The following ARHGAP32 variants were observed in gnomAD, a reference collection of about 807,000 sequenced individuals.
ARHGAP32 encodes the protein Rho GTPase activating protein 32.
ARHGAP32 carries 51 observed loss-of-function variants against 186.5 expected under a neutral mutation model. That is an observed-to-expected ratio of 0.27 (90% confidence interval 0.22 to 0.35). The LOEUF is 0.35. Among genes scored for constraint, ARHGAP32 ranks in the 10% least tolerant of loss-of-function variants. ARHGAP32 has a pLI of 1.00. For synonymous variants in ARHGAP32, 950 were observed against 964.3 expected, an observed-to-expected ratio of 0.99 and a Z score of 0.27; for missense variants, 2,186 against 2,623.5, an observed-to-expected ratio of 0.83 and a Z score of 3.64.
At chr11:129,198,065 A>ATTATTC (rs1243018858) in intron 1 of ARHGAP32, among the ~76,000 whole-genome samples, 2 of 152,256 alleles carry the variant, frequency 1.3e-5, no homozygotes, top group Non-Finnish European at 2.9e-5. Context: ...CTACTTGAAT[A>ATTATTC]GAAAACTGAC....
chr11:129,018,511 C>T (rs1938456627), intron 11 of ARHGAP32, among the ~76,000 whole-genome samples: 1 of 152,160 alleles, frequency 6.6e-6, no homozygotes. Context: ...AGTTGTAAAA[C>T]TAAACTTATC....
chr11:129,149,047 G>T (rs1308573597), intron 2 of ARHGAP32, among the ~76,000 whole-genome samples: 1 of 152,080 alleles, frequency 6.6e-6, no homozygotes, highest in Non-Finnish European at 1.5e-5. Flanking sequence ...AGAAACTCTT[G>T]GGGGCTTTAT....
At chr11:129,054,800 A>G (rs371724303) in intron 10 of ARHGAP32, among the ~76,000 whole-genome samples, 21 of 152,366 alleles carry the variant, frequency 1.4e-4, no homozygotes, top group Non-Finnish European at 2.2e-4. Context: ...CAAATAAAAA[A>G]CACAGATTTC....
At chr11:129,167,766 ATTTC>A (rs570099497) in intron 1 of ARHGAP32, among the ~76,000 whole-genome samples, 5 of 152,180 alleles carry the variant, frequency 3.3e-5, no homozygotes, top group Non-Finnish European at 7.3e-5. Flanking sequence ...CAGGTGAGGG[ATTTC>A]TTTCTCAAAT....
At chr11:129,193,476 T>G (rs370079230), upstream of ARHGAP32, among the ~76,000 whole-genome samples, 2 of 67,558 alleles carry the variant, frequency 3.0e-5, no homozygotes, top group South Asian at 4.6e-4. Flanking sequence ...AGCAAGACCC[T>G]GTCTCAAAAA....
chr11:129,193,209 C>A (rs1218829352), upstream of ARHGAP32, among the ~76,000 whole-genome samples: 1 of 148,938 alleles, frequency 6.7e-6, no homozygotes, highest in Non-Finnish European at 1.5e-5. Context: ...CAGTGGCTCA[C>A]GCCTGTAATC....
At chr11:129,120,352 G>A (rs181198638) in intron 5 of ARHGAP32, among the ~76,000 whole-genome samples, 7 of 152,224 alleles carry the variant, frequency 4.6e-5, no homozygotes, top group African/African-American at 1.7e-4. Context: ...TTGGCACGCT[G>A]CAATGATTGA....
intron 1 of ARHGAP32, among the ~76,000 whole-genome samples, chr11:129,215,163 C>A (rs1468447786): frequency 1.3e-5 from 2 of 152,190 alleles, no homozygotes; most frequent in Non-Finnish European, 2.9e-5. Context: ...AGGGTGACCA[C>A]AACCCCCAGC....
chr11:129,129,875 A>G (rs1029984750), intron 2 of ARHGAP32, among the ~76,000 whole-genome samples: 1 of 152,224 alleles, frequency 6.6e-6, no homozygotes, highest in Non-Finnish European at 1.5e-5. Context: ...TAATTAACAA[A>G]AGAGTTGAAC....
intron 1 of ARHGAP32, among the ~76,000 whole-genome samples, chr11:129,183,483 C>A (rs946319876): frequency 2.0e-5 from 3 of 151,976 alleles, no homozygotes; most frequent in Non-Finnish European, 4.4e-5. Context: ...CTTTTATGTT[C>A]TTCAATGATG....
chr11:128,974,263 T>C lies in ARHGAP32; in HGVS notation c.2934A>G (p.Thr978=). ...CAGATTCATATGCTTCTTGGGCAACTGTCTCATTTGTTTTCATCTTTACTA... is the reference window on the plus strand; with the variant it reads ...CAGATTCATATGCTTCTTGGGCAACCGTCTCATTTGTTTTCATCTTTACTA... ...TQIVKMKTNE[T]VAQEAYESEV... The change falls in exon 21 of 23, where the codon ACA becomes ACG. Residue 978 remains threonine, a synonymous_variant. Coordinates refer to ENST00000682385, the MANE Select transcript of ARHGAP32 (RefSeq NM_001378024.1). The C allele has an allele frequency of 6.2e-7, 1 of 1,614,212 alleles. No homozygotes were observed. The highest frequency in any genetic ancestry group is 8.5e-7 in the Non-Finnish European group (1 of 1,180,024).
At chr11:128,977,395 C>T (rs1310103948) in intron 19 of ARHGAP32, among the ~76,000 whole-genome samples, 6 of 152,170 alleles carry the variant, frequency 3.9e-5, no homozygotes, top group African/African-American at 1.4e-4. Flanking sequence ...TAGCATGCAT[C>T]TCTTTTTTTC....
intron 1 of ARHGAP32, among the ~76,000 whole-genome samples, chr11:129,167,969 G>A (rs1943672731): frequency 6.6e-6 from 1 of 152,158 alleles, no homozygotes; most frequent in South Asian, 2.1e-4. Flanking sequence ...CAACTGCTGG[G>A]TGCAGTGGCT....
Position 129,065,468 on chromosome 11 carries a change from C to T in ARHGAP32, c.670-535G>A, listed in dbSNP as rs529982320. 3.3e-5 allele frequency among the ~76,000 whole-genome samples: 5 copies of T among 152,152 alleles called. No individual in the cohort carries two copies. In the South Asian group the frequency reaches 1.0e-3, roughly 32 times the overall value. On this transcript the variant is annotated intron_variant, in intron 7 of 22. Coordinates refer to ENST00000682385, the MANE Select transcript of ARHGAP32 (RefSeq NM_001378024.1). Reference sequence around the variant, plus strand: ...CACAGATTCTAGCTCAGTCTGGCTGCTCTCTTAAAAGGGGATAAAAACCTG... The same window carrying T: ...CACAGATTCTAGCTCAGTCTGGCTGTTCTCTTAAAAGGGGATAAAAACCTG...
At chr11:129,194,199 A>C (rs1286174119), upstream of ARHGAP32, among the ~76,000 whole-genome samples, 1 of 152,186 alleles carries the variant, frequency 6.6e-6, no homozygotes, top group Non-Finnish European at 1.5e-5. Context: ...AAAATCTACC[A>C]AAATTCAAAA....
At chr11:129,100,074 T>C (rs577116092) in intron 5 of ARHGAP32, among the ~76,000 whole-genome samples, 38 of 152,294 alleles carry the variant, frequency 2.5e-4, no homozygotes, top group African/African-American at 8.4e-4. Flanking sequence ...CCATGGACAC[T>C]TGAATTGGCA....
At chr11:129,212,072 T>C (rs1944588290) in intron 1 of ARHGAP32, among the ~76,000 whole-genome samples, 1 of 152,084 alleles carries the variant, frequency 6.6e-6, no homozygotes, top group Non-Finnish European at 1.5e-5. Context: ...GAAGGATTGC[T>C]TGTGCCTGGA....
intron 9 of ARHGAP32, among the ~76,000 whole-genome samples, chr11:129,063,355 A>G (rs986432428): frequency 2.0e-5 from 3 of 152,146 alleles, no homozygotes; most frequent in Non-Finnish European, 2.9e-5. Context: ...TAGCCAATAT[A>G]TATCTTTAGA....
At chr11:129,078,938 T>C (rs1384271358) in intron 6 of ARHGAP32, among the ~76,000 whole-genome samples, 1 of 150,024 alleles carries the variant, frequency 6.7e-6, no homozygotes, top group Non-Finnish European at 1.5e-5. Flanking sequence ...CTCCTGGAAG[T>C]GAAAGACACA....
Sources: allele counts gnomAD v4.1 joint callset (sites outside exome capture counted in the v4.1 genomes callset), GRCh38; gene constraint gnomAD v4.1.1; transcripts MANE v1.5; gene names NCBI Gene and HGNC (gene_info 2026-07-23, HGNC 2026-07-21).